Variants in XIST observed in about 807,000 individuals in gnomAD.
The protein encoded by XIST is X inactive specific transcript (non-protein coding).
rs1181993659 is a variant in XIST at position 73,821,741 on chromosome X, CA to C, written n.18159del. On this transcript the variant is annotated non_coding_transcript_exon_variant, in exon 6 of 6. Transcript: ENST00000429829. ...AAAGGTCAAAGCCCAGCCAGGCCTACATTTAGAGAAATTTTAAAAAAATTTT... is the reference window on the plus strand; with the variant it reads ...AAAGGTCAAAGCCCAGCCAGGCCTACTTTAGAGAAATTTTAAAAAAATTTT... 5.8e-6 allele frequency: 3 copies of C among 519,266 alleles called. No homozygotes were observed. The African/African-American group carries it at 6.9e-5, about 12-fold the overall frequency. 42.8% of individuals were successfully genotyped at this position (519,266 alleles called of 1,213,427 possible). A position where few individuals can be genotyped will look rare whatever the true frequency, so the allele number is the denominator to read the frequency against.
At chrX:73,822,568 A>G (rs779944338) in exon 6 of XIST, 41 of 508,209 alleles carry the variant, frequency 8.1e-5, no homozygotes, top group Non-Finnish European at 1.1e-5. Flanking sequence ...TTCCAAGCCA[A>G]TTAATAAGCA....
exon 1 of XIST, chrX:73,845,046 T>C: frequency 1.8e-6 from 1 of 556,947 alleles, no homozygotes. Context: ...ACACCTACTG[T>C]ACTGCAAAAG....
At chrX:73,834,209 G>A (rs949964719) in intron 2 of XIST, among the ~76,000 whole-genome samples, 1 of 112,127 alleles carries the variant, frequency 8.9e-6, no homozygotes, top group Non-Finnish European at 1.9e-5. Flanking sequence ...GAGAGTAAAT[G>A]TGCACTCCAT....
At chrX:73,838,449 C>T (rs962415026) in intron 1 of XIST, among the ~76,000 whole-genome samples, 1 of 110,780 alleles carries the variant, frequency 9.0e-6, no homozygotes, top group Non-Finnish European at 1.9e-5. Context: ...AGAAGTCTAG[C>T]ACCGGTCAAA....
At chrX:73,843,893 T>C (rs769288557) in exon 1 of XIST, 1 of 558,450 alleles carries the variant, frequency 1.8e-6, no homozygotes, top group South Asian at 2.2e-5. Context: ...TGATGGGGTA[T>C]GACCTTAATC....
chrX:73,852,643 T>G, exon 1 of XIST: 1 of 486,824 alleles, frequency 2.1e-6, no homozygotes, highest in Non-Finnish European at 3.6e-6. Flanking sequence ...CTAGAAAATG[T>G]TCTAGAAAGA....
chrX:73,846,288 T>C (rs1426164339), exon 1 of XIST: 3 of 558,492 alleles, frequency 5.4e-6, no homozygotes, highest in East Asian at 3.2e-5. Flanking sequence ...TGCAAATCCA[T>C]GTCTAAGGTG....
exon 1 of XIST, chrX:73,847,205 G>A: frequency 1.8e-6 from 1 of 558,869 alleles, no homozygotes; most frequent in Non-Finnish European, 3.2e-6. Flanking sequence ...CCAAGAGAGT[G>A]AATTCAGGCT....
chrX:73,833,271 T>C, exon 3 of XIST: 2 of 558,534 alleles, frequency 3.6e-6, no homozygotes, highest in Middle Eastern at 3.1e-4. Context: ...CCCATCCAAG[T>C]AGATTAGCTG....
At position 73,842,745 on chromosome X, in the gene XIST, T is replaced by C. The variant is rs770654670; in HGVS notation, n.9979A>G. The C allele has an allele frequency of 1.6e-5, 9 of 556,204 alleles. No individual in the cohort carries two copies. In the South Asian group the frequency reaches 2.0e-4, roughly 12 times the overall value. The allele number at this position is 556,204 out of a possible 1,213,427, so 45.8% of individuals were successfully genotyped here. Reference sequence around the variant, plus strand: ...CCAAGGAAAGTGCAACTGAGAATTGTTTAAGTCCAAGAGAAAGGGCCTTGT... The same window carrying C: ...CCAAGGAAAGTGCAACTGAGAATTGCTTAAGTCCAAGAGAAAGGGCCTTGT... On this transcript the variant is annotated non_coding_transcript_exon_variant, in exon 1 of 6. Coordinates refer to ENST00000429829, the Ensembl canonical transcript of XIST.
At chrX:73,836,601 C>T (rs912407079) in intron 2 of XIST, among the ~76,000 whole-genome samples, 1 of 111,467 alleles carries the variant, frequency 9.0e-6, no homozygotes, top group Non-Finnish European at 1.9e-5. Context: ...TGCATATACA[C>T]ACGTTAGAAT....
chrX:73,847,762 G>C (rs1569512679), exon 1 of XIST: 3 of 558,783 alleles, frequency 5.4e-6, no homozygotes, highest in Non-Finnish European at 9.7e-6. Context: ...AGAGTCCCAA[G>C]AGAAGGACTC....
At chrX:73,828,048 T>C in intron 5 of XIST, 2 of 456,708 alleles carry the variant, frequency 4.4e-6, no homozygotes, top group African/African-American at 2.4e-5. Flanking sequence ...AGAGGCAAGA[T>C]ACAGTGAGGG....
At chrX:73,844,973 G>A (rs770576279) in exon 1 of XIST, 5 of 552,106 alleles carry the variant, frequency 9.1e-6, no homozygotes, top group Non-Finnish European at 1.6e-5. Context: ...CTTATACACT[G>A]GAACCCAGAC....
exon 6 of XIST, chrX:73,822,412 G>T: frequency 1.9e-6 from 1 of 516,394 alleles, no homozygotes. Flanking sequence ...AAAGTATTAG[G>T]CATTCTCTGG....
At chrX:73,851,490 C>T in exon 1 of XIST, 2 of 558,881 alleles carry the variant, frequency 3.6e-6, no homozygotes, top group East Asian at 3.2e-5. Flanking sequence ...GAACTGGATC[C>T]GCCATTTTGG....
chrX:73,826,192 C>T (rs916367463), exon 6 of XIST: 1 of 557,788 alleles, frequency 1.8e-6, no homozygotes, highest in Non-Finnish European at 3.2e-6. Flanking sequence ...TTGTCTAATT[C>T]TTCTCATTGG....
chrX:73,835,359 C>A (rs1569511969), intron 2 of XIST, among the ~76,000 whole-genome samples: 1 of 111,882 alleles, frequency 8.9e-6, no homozygotes, highest in Non-Finnish European at 1.9e-5. Flanking sequence ...TGTTTTGTGC[C>A]AAATGAAAGT....
exon 1 of XIST, chrX:73,846,594 T>A (rs1333647428): frequency 1.8e-6 from 1 of 558,373 alleles, no homozygotes; most frequent in African/African-American, 2.2e-5. Context: ...ATGCTTGTGG[T>A]CACTTACAAT....
Sources: allele counts gnomAD v4.1 joint callset (sites outside exome capture counted in the v4.1 genomes callset), GRCh38; gene constraint gnomAD v4.1.1; transcripts MANE v1.5; gene names NCBI Gene and HGNC (gene_info 2026-07-23, HGNC 2026-07-21).